The following AHI1 variants were observed in gnomAD, a reference collection of about 807,000 sequenced individuals.
AHI1 encodes the protein Abelson helper integration site 1, also known as jouberin.
Under a neutral mutation model 149.3 loss-of-function variants are expected in AHI1, and 123 were observed. The ratio of observed to expected loss-of-function variants is 0.82; its 90% CI spans 0.71 to 0.96. AHI1 has a LOEUF of 0.96. AHI1 is among the 40% of genes least tolerant of loss of function. AHI1 has a pLI of 0.00. For missense variants in AHI1, 1,439 were observed against 1,422.7 expected (o/e 1.01, Z -0.18); for synonymous variants, 475 against 459.8 (o/e 1.03, Z -0.42).
intron 8 of AHI1, 146 bp downstream of exon 8, chr6:135,462,979 A>C: frequency 1.7e-6 from 1 of 596,722 alleles, no homozygotes; most frequent in Non-Finnish European, 2.8e-6. Flanking sequence ...TGTGTGCTTT[A>C]ATCTAGATGA....
At chr6:135,313,082 G>C (rs1785438954) in intron 26 of AHI1, among the ~76,000 whole-genome samples, 1 of 152,184 alleles carries the variant, frequency 6.6e-6, no homozygotes, top group South Asian at 2.1e-4. Flanking sequence ...AAGAAGCTCA[G>C]TTACACGTTT....
chr6:135,472,686 T>G (rs1382265313), intron 5 of AHI1, among the ~76,000 whole-genome samples: 1 of 152,236 alleles, frequency 6.6e-6, no homozygotes, highest in African/African-American at 2.4e-5. Flanking sequence ...TTGTAGCTGT[T>G]GTATTAGGTG....
chr6:135,488,194 C>G (rs926186092), intron 5 of AHI1, among the ~76,000 whole-genome samples: 1 of 152,136 alleles, frequency 6.6e-6, no homozygotes, highest in Admixed American at 6.5e-5. Context: ...GCCTGGAATG[C>G]AGGATGACTC....
At chr6:135,387,862 A>G (rs1463329824) in intron 23 of AHI1, 3 of 1,506,152 alleles carry the variant, frequency 2.0e-6, no homozygotes, top group Non-Finnish European at 2.7e-6. Flanking sequence ...TGACAATTCT[A>G]TGAAGTAGGA....
intron 27 of AHI1, among the ~76,000 whole-genome samples, chr6:135,296,463 A>G (rs7766656): frequency 0.24 from 36,972 of 152,160 alleles, 10,282 homozygotes; most frequent in African/African-American, 0.69. Context: ...ATAAGGTCTT[A>G]TTACTGTCTC....
rs142648710 is a variant in AHI1, at chr6:135,419,950, G to A, written c.2764+7217C>T. On this transcript the variant is annotated intron_variant, in intron 20 of 28. Transcript: ENST00000265602. ...TTGTCATCTCAACAATGTTCACAGC[G>A]TCTTCACCAGGAGTAGATTCTCTCA... Among the ~76,000 whole-genome samples the A allele has an allele frequency of 9.4e-3, 1,432 of 152,214 alleles. 18 individuals are homozygous for A. The highest frequency in any genetic ancestry group is 0.032 in the African/African-American group (1,338 of 41,546).
At chr6:135,401,427 G>A (rs1257945818) in intron 22 of AHI1, among the ~76,000 whole-genome samples, 1 of 152,070 alleles carries the variant, frequency 6.6e-6, no homozygotes, top group Non-Finnish European at 1.5e-5. Flanking sequence ...AAAAACAAGC[G>A]AGCCTTCAAC....
Position 135,457,620 on chromosome 6 carries a change from T to C in AHI1, c.1025A>G (p.Asp342Gly). Residue 342 changes from aspartate to glycine, a missense_variant, in exon 9 of 29, where the codon GAC becomes GGC. Asp to Gly is a moderately conservative substitution (Grantham distance 94). Coordinates refer to ENST00000265602, the MANE Select transcript of AHI1 (RefSeq NM_001134831.2). Reference protein sequence around the residue: ...PVYPKCLLDDDLVLGVYIHRT... With the variant: ...PVYPKCLLDDGLVLGVYIHRT... ...GTGAATGTAAACTCCCAAGACAAGG[T>C]CATCATCAAGCAAACATTTGGGATA... The C allele has an allele frequency of 6.2e-7, 1 of 1,613,908 alleles. No homozygotes were observed. The highest frequency in any genetic ancestry group is 8.5e-7 in the Non-Finnish European group (1 of 1,179,852).
chr6:135,332,698 C>T (rs913761719), intron 24 of AHI1, among the ~76,000 whole-genome samples: 1 of 152,170 alleles, frequency 6.6e-6, no homozygotes, highest in African/African-American at 2.4e-5. Flanking sequence ...AATGAAGCTC[C>T]CTCTGTTTTA....
chr6:135,391,798 C>A (rs1489132687), intron 23 of AHI1, among the ~76,000 whole-genome samples: 1 of 152,154 alleles, frequency 6.6e-6, no homozygotes, highest in African/African-American at 2.4e-5. Flanking sequence ...GGTACAGGGA[C>A]TACTGCAATG....
chr6:135,492,800 T>C (rs1406661513), intron 3 of AHI1: 1 of 985,236 alleles, frequency 1.0e-6, no homozygotes, highest in Non-Finnish European at 1.2e-6. Context: ...CATCTTTCTT[T>C]AATAAAACCT....
intron 20 of AHI1, among the ~76,000 whole-genome samples, chr6:135,416,367 C>T (rs184685490): frequency 2.7e-5 from 4 of 149,060 alleles, no homozygotes; most frequent in African/African-American, 1.0e-4. Context: ...TTAGAAAGTG[C>T]CTTTTTTTTT....
chr6:135,378,027 A>T (rs980789355), intron 23 of AHI1, among the ~76,000 whole-genome samples: 4 of 152,132 alleles, frequency 2.6e-5, no homozygotes, highest in Admixed American at 6.5e-5. Flanking sequence ...GATATCAGTT[A>T]TTTATAATTC....
rs368337913 is a variant in AHI1 at position 135,309,136 on chromosome 6, G to A, written c.3427-8578C>T. ...AATAAAGGCCTTATAAGTTCCTTTC[G>A]GAGTAGGAGAGAGTCCCTATTAATT... is the stretch of plus-strand genomic sequence containing the variant. On this transcript the variant is annotated intron_variant, in intron 26 of 28. Coordinates refer to ENST00000265602, the MANE Select transcript of AHI1 (RefSeq NM_001134831.2). Among the ~76,000 whole-genome samples, 127 of 152,298 alleles carry A rather than the reference G, an allele frequency of 8.3e-4. 3 individuals carry two copies. In the South Asian group the frequency reaches 0.026, roughly 31 times the overall value.
intron 13 of AHI1, among the ~76,000 whole-genome samples, chr6:135,444,158 T>C (rs1166150611): frequency 6.6e-6 from 1 of 152,186 alleles, no homozygotes; most frequent in East Asian, 1.9e-4. Flanking sequence ...GTTCCTACTT[T>C]CTGTCTCTCG....
At chr6:135,483,707 GC>G (rs1289183815) in intron 5 of AHI1, among the ~76,000 whole-genome samples, 1 of 152,124 alleles carries the variant, frequency 6.6e-6, no homozygotes, top group Non-Finnish European at 1.5e-5. Flanking sequence ...TATGCTCTGA[GC>G]CCAGTATATT....
In AHI1 at chr6:135,492,300, A is replaced by G; in HGVS notation, c.-54-9T>C. ...TTGACTCAATCAGGATCCTATCGAA[A>G]CAAAGGAGATGTATTTGTAATATGG... is the stretch of plus-strand genomic sequence containing the variant. On this transcript the variant is annotated splice_polypyrimidine_tract_variant and intron_variant, in intron 3 of 28. Coordinates refer to ENST00000265602, the MANE Select transcript of AHI1 (RefSeq NM_001134831.2). The G allele has an allele frequency of 6.7e-7, 1 of 1,493,216 alleles. No individual in the cohort carries two copies. The highest frequency in any genetic ancestry group is 8.9e-7 in the Non-Finnish European group (1 of 1,119,470). 92.5% of individuals were successfully genotyped at this position (1,493,216 alleles called of 1,614,324 possible).
At chr6:135,450,344 C>T (rs1055868796) in intron 11 of AHI1, among the ~76,000 whole-genome samples, 1 of 152,070 alleles carries the variant, frequency 6.6e-6, no homozygotes, top group Non-Finnish European at 1.5e-5. Context: ...GTGGCAGAGG[C>T]AAAATTCAGA....
At chr6:135,388,172 G>A in intron 23 of AHI1, 2 of 891,528 alleles carry the variant, frequency 2.2e-6, no homozygotes, top group Non-Finnish European at 3.4e-6. Context: ...CTACAATAGT[G>A]AATTAATGCC....
Sources: gnomAD v4.1 joint callset for allele counts (sites outside exome capture counted in the v4.1 genomes callset) on GRCh38, gnomAD v4.1.1 for gene constraint, MANE v1.5 for transcripts, NCBI Gene and HGNC (gene_info 2026-07-23, HGNC 2026-07-21) for gene names.